N4BP2: variants seen among roughly 807,000 people sequenced by gnomAD.
N4BP2 encodes NEDD4-binding protein 2.
N4BP2 carries 91 observed loss-of-function variants against 152.8 expected under a neutral mutation model. That is an observed-to-expected ratio of 0.60 (90% CI 0.50 to 0.71). N4BP2 has a LOEUF of 0.71. N4BP2 is among the 30% of genes least tolerant of loss of function. The pLI is 0.00. For synonymous variants in N4BP2, 646 were observed against 705.3 expected (o/e 0.92, Z 1.33); for missense variants, 1,923 against 2,059.1 (o/e 0.93, Z 1.28).
chr4:40,141,590 C>T (rs1719974039), intron 14 of N4BP2, among the ~76,000 whole-genome samples: 1 of 151,438 alleles, frequency 6.6e-6, no homozygotes, highest in South Asian at 2.1e-4. Flanking sequence ...AGAGACGCTC[C>T]TCACTTTCCA....
chr4:40,107,751 G>A (rs770534887), intron 5 of N4BP2, among the ~76,000 whole-genome samples: 4 of 152,092 alleles, frequency 2.6e-5, no homozygotes, highest in Non-Finnish European at 4.4e-5. Flanking sequence ...CATAGTAAGA[G>A]GTGAGTTTAT....
chr4:40,134,814 A>G (rs1055330861), intron 13 of N4BP2, among the ~76,000 whole-genome samples: 1 of 152,012 alleles, frequency 6.6e-6, no homozygotes, highest in South Asian at 2.1e-4. Flanking sequence ...ATTATTTTGG[A>G]TAATTAGTTT....
In N4BP2 at chr4:40,117,909, A is replaced by G. The variant is rs763921375; in HGVS notation, c.1705A>G (p.Met569Val). 1 of 1,611,774 alleles carries G rather than the reference A, an allele frequency of 6.2e-7. No individual in the cohort carries two copies. The highest frequency in any genetic ancestry group is 8.5e-7 in the Non-Finnish European group (1 of 1,179,144). ...GGTAAGCAAAGAAAAAATAACAAGA[A>G]TGTTGGAACATTATCAACGTTTTGT... ...HGVSKEKITR[M>V]LEHYQRFVSV... Residue 569 changes from methionine (M) to valine (V), a missense_variant, in exon 8 of 18, where the codon ATG becomes GTG. Physicochemically the swap from Met to Val is conservative, Grantham distance 21 (BLOSUM62 1). Coordinates refer to ENST00000261435, the MANE Select transcript of N4BP2 (RefSeq NM_018177.6).
chr4:40,112,850 C>A (rs1325887814), intron 6 of N4BP2, among the ~76,000 whole-genome samples: 2 of 151,942 alleles, frequency 1.3e-5, no homozygotes, highest in Non-Finnish European at 2.9e-5. Flanking sequence ...TTACAGGTGC[C>A]CGCCACCACG....
the N4BP2 span, among the ~76,000 whole-genome samples, chr4:40,169,012 C>T: frequency 1.5e-4 from 23 of 151,972 alleles, no homozygotes; most frequent in Non-Finnish European, 2.9e-4. Context: ...AGGCTTGAGC[C>T]ACTGCGCCTG....
intron 17 of N4BP2, 37 bp from the exon 18 acceptor site, chr4:40,154,155 T>G: frequency 6.6e-7 from 1 of 1,507,010 alleles, no homozygotes. Flanking sequence ...AATTTGAAAT[T>G]TTCATCTTTA....
At chr4:40,127,227 T>G (rs1297500332) in intron 12 of N4BP2, among the ~76,000 whole-genome samples, 1 of 151,836 alleles carries the variant, frequency 6.6e-6, no homozygotes, top group African/African-American at 2.4e-5. Context: ...TTTTTTAATT[T>G]TATTTGTTTG....
chr4:40,174,461 A>G, the N4BP2 span, among the ~76,000 whole-genome samples: 27 of 152,256 alleles, frequency 1.8e-4, no homozygotes, highest in African/African-American at 5.3e-4. Context: ...CATTACTTAC[A>G]GTAGCCAGGA....
At chr4:40,098,964 T>C (rs1704153) in intron 3 of N4BP2, among the ~76,000 whole-genome samples, 33,240 of 152,236 alleles carry the variant, frequency 0.22, 4,058 homozygotes, top group East Asian at 0.53. Flanking sequence ...TCTAATCTAC[T>C]GAGTTGTGCT....
At chr4:40,097,827 C>T (rs912034643) in intron 3 of N4BP2, among the ~76,000 whole-genome samples, 1 of 152,194 alleles carries the variant, frequency 6.6e-6, no homozygotes, top group African/African-American at 2.4e-5. Context: ...CTGTCTCTTT[C>T]ATCTTCACTC....
At chr4:40,110,790 A>G (rs1716800927) in intron 5 of N4BP2, among the ~76,000 whole-genome samples, 1 of 152,152 alleles carries the variant, frequency 6.6e-6, no homozygotes, top group Non-Finnish European at 1.5e-5. Flanking sequence ...CGCCCGCCTC[A>G]GTATCCCAAA....
rs935626819 is a variant in N4BP2 at position 40,124,290 on chromosome 4, C to T, written c.4330+85C>T. On this transcript the variant is annotated intron_variant, in intron 11 of 17. Coordinates refer to ENST00000261435, the MANE Select transcript of N4BP2 (RefSeq NM_018177.6). ...ATTTTAACTCATTCTAAATTACTTC[C>T]ACAAAATACGGTACCCACAAATTTT... The T allele has an allele frequency of 1.3e-5, 12 of 914,318 alleles. No homozygotes were observed. In the Admixed American group the frequency reaches 1.5e-4, roughly 12 times the overall value. The allele number at this position is 914,318 out of a possible 1,614,324, so 56.6% of individuals were successfully genotyped here. A position where few individuals can be genotyped will look rare whatever the true frequency, so the allele number is the denominator to read the frequency against.
chr4:40,179,236 G>A, the N4BP2 span, among the ~76,000 whole-genome samples: 1 of 152,094 alleles, frequency 6.6e-6, no homozygotes, highest in East Asian at 1.9e-4. Context: ...TGGGTGTGGT[G>A]GCTGACGCCT....
In N4BP2 at chr4:40,157,297, T is replaced by C. The variant is rs906769728; in HGVS notation, c.*3060T>C. 3 of 152,280 alleles carry C rather than the reference T, an allele frequency of 2.0e-5. No individual in the cohort carries two copies. The highest frequency in any genetic ancestry group is 2.0e-4 in the Admixed American group (3 of 15,308). 9.4% of individuals were successfully genotyped at this position (152,280 alleles called of 1,614,324 possible). A position where few individuals can be genotyped will look rare whatever the true frequency, so the allele number is the denominator to read the frequency against. ...AATTGGTTAGTATTTCCATACTATTTGCAACTTTATGGCCTTTAAATATAG... is the reference window on the plus strand; with the variant it reads ...AATTGGTTAGTATTTCCATACTATTCGCAACTTTATGGCCTTTAAATATAG... On this transcript the variant is annotated 3_prime_UTR_variant, in exon 18 of 18. Coordinates refer to ENST00000261435, the MANE Select transcript of N4BP2 (RefSeq NM_018177.6).
At position 40,102,131 on chromosome 4, in the gene N4BP2, G is replaced by T. The variant is rs748402614; in HGVS notation, c.286G>T (p.Glu96Ter). ...ATCTGCCACTGATACCAAGATAGAA[G>T]AATCATCTTCACAAAGTTTCGTTGC... ...ELSATDTKIE[E>*]SSSQSFVASE... The change falls in exon 4 of 18, where the codon GAA becomes TAA. Residue 96 changes from glutamate (E) to a stop codon, truncating the protein, a stop_gained. Transcript: ENST00000261435. LOFTEE classifies it high-confidence loss of function. The T allele has an allele frequency of 1.1e-5, 17 of 1,613,020 alleles. No individual in the cohort carries two copies. The South Asian group carries it at 1.4e-4, about 14-fold the overall frequency.
Position 40,097,325 on chromosome 4 carries a change from A to C in N4BP2, c.-16A>C, listed in dbSNP as rs766350568. The C allele has an allele frequency of 6.3e-7, 1 of 1,599,280 alleles. No homozygotes were observed. The highest frequency in any genetic ancestry group is 8.6e-7 in the Non-Finnish European group (1 of 1,167,500). On this transcript the variant is annotated 5_prime_UTR_variant, in exon 3 of 18. An upstream open reading frame in the 5' UTR loses its in-frame stop. Transcript: ENST00000261435. ...TTAACTAAGAAAAGGGAAACATTTTAGTTTTGGAAGTCAGAATGCCAAGGA... is the reference window on the plus strand; with the variant it reads ...TTAACTAAGAAAAGGGAAACATTTTCGTTTTGGAAGTCAGAATGCCAAGGA...
chr4:40,089,704 T>C (rs1179621770), intron 2 of N4BP2, among the ~76,000 whole-genome samples: 1 of 152,224 alleles, frequency 6.6e-6, no homozygotes, highest in East Asian at 1.9e-4. Context: ...CCCAAAGTGC[T>C]GGGATTACAG....
At position 40,148,173 on chromosome 4, in the gene N4BP2, G is replaced by A. The variant is rs1468706977; in HGVS notation, c.5143+3373G>A. Among the ~76,000 whole-genome samples the A allele has an allele frequency of 3.3e-5, 5 of 152,250 alleles. No homozygotes were observed. In the South Asian group the frequency reaches 1.0e-3, roughly 31 times the overall value. The stretch of plus-strand genomic sequence containing the variant: ...CAGCCTGGGCACCAATGAGCACTGA[G>A]TGAACGAGACTCCGTCTGCAATCCC... On this transcript the variant is annotated intron_variant, in intron 16 of 17. Transcript: ENST00000261435.
In N4BP2 at chr4:40,121,579, G is replaced by A; in HGVS notation, c.3468G>A (p.Gly1156=). The change falls in exon 9 of 18, where the codon GGG becomes GGA. Residue 1156 remains glycine (G), a synonymous_variant. Coordinates refer to ENST00000261435, the MANE Select transcript of N4BP2 (RefSeq NM_018177.6). ...DGSQIGPFSL[G]LNLKEIISQR... is the part of the protein sequence containing the mutation. ...CACAAATTGGGCCTTTTTCTCTGGG[G>A]TTGAATTTGAAAGAAATTATTAGCC... 1 of 1,614,098 alleles carries A rather than the reference G, an allele frequency of 6.2e-7. No individual in the cohort carries two copies. Among genetic ancestry groups the A allele is most frequent in the Non-Finnish European group, 8.5e-7 (1 of 1,179,996 alleles).
Sources: allele counts gnomAD v4.1 joint callset (sites outside exome capture counted in the v4.1 genomes callset), GRCh38; gene constraint gnomAD v4.1.1; transcripts MANE v1.5; gene names NCBI Gene and HGNC (gene_info 2026-07-23, HGNC 2026-07-21).